Variants in SPANXN3 observed in about 807,000 individuals in gnomAD.
SPANXN3 encodes the protein SPANX family member N3.
Under a neutral mutation model 1.9 loss-of-function variants are expected in SPANXN3, and 1 was observed. That is an observed-to-expected ratio of 0.54 (90% CI 0.19 to 2.54). The LOEUF (loss-of-function observed/expected upper bound fraction) is 2.54. SPANXN3 is among the 30% of genes most tolerant of loss of function. The probability of loss-of-function intolerance (pLI) is 0.24; values close to 1 mark genes in which losing one functional copy is unlikely to be tolerated. For synonymous variants in SPANXN3, 47 were observed against 40.0 expected (o/e 1.17, Z -0.66); for missense variants, 113 against 96.2 (o/e 1.17, Z -0.73).
At chrX:143,516,689 T>G (rs1929223926) in intron 1 of SPANXN3, 1 of 112,844 alleles carries the variant, frequency 8.9e-6, no homozygotes, top group Admixed American at 9.4e-5. Context: ...ATTGATACCA[T>G]CCTTCTCCTC....
chrX:143,514,247 C>T (rs1341228296), intron 1 of SPANXN3, among the ~76,000 whole-genome samples: 3 of 111,791 alleles, frequency 2.7e-5, no homozygotes, highest in Non-Finnish European at 5.6e-5. Context: ...AGGAATGAAC[C>T]CCACTTGCCC....
chrX:143,509,915 G>A (rs1929053328), intron 1 of SPANXN3, among the ~76,000 whole-genome samples: 1 of 111,065 alleles, frequency 9.0e-6, no homozygotes. Flanking sequence ...CCAGGACGGT[G>A]ATTGGGTTCT....
rs782127240 is a variant in SPANXN3 at position 143,511,286 on chromosome X, G to A, written c.79-2124C>T. ...CAATCGGAATTATCAGGCAACTTCT[G>A]TAGACAGGCAGAAACCAGGCCATAT... On this transcript the variant is annotated intron_variant, in intron 1 of 1. Transcript: ENST00000370503. Among the ~76,000 whole-genome samples the A allele has an allele frequency of 1.4e-3, 157 of 111,587 alleles. 1 individual carries two copies. Among genetic ancestry groups the A allele is most frequent in the Non-Finnish European group, 2.7e-3 (143 of 53,118 alleles).
At position 143,508,807 on chromosome X, in the gene SPANXN3, A is replaced by G. The variant is rs369244171; in HGVS notation, c.*8T>C. On this transcript the variant is annotated 3_prime_UTR_variant, in exon 2 of 2. Transcript: ENST00000370503. ...ATGATTTGTCCAATTTGGTTTCTCCATGTGTGACTAATCCTCCCCACTGTC... is the reference window on the plus strand; with the variant it reads ...ATGATTTGTCCAATTTGGTTTCTCCGTGTGTGACTAATCCTCCCCACTGTC... 203 of 1,193,629 alleles carry G rather than the reference A, an allele frequency of 1.7e-4. No homozygotes were observed. The highest frequency in any genetic ancestry group is 2.2e-4 in the Non-Finnish European group (191 of 883,343).
At chrX:143,512,399 A>G (rs782428219) in intron 1 of SPANXN3, among the ~76,000 whole-genome samples, 8 of 111,557 alleles carry the variant, frequency 7.2e-5, no homozygotes, top group Non-Finnish European at 1.3e-4. Flanking sequence ...AGCCGTGCTT[A>G]GGGGCCTCAA....
chrX:143,511,790 G>T (rs1929098075), intron 1 of SPANXN3, among the ~76,000 whole-genome samples: 1 of 111,006 alleles, frequency 9.0e-6, no homozygotes, highest in East Asian at 2.8e-4. Flanking sequence ...AACACTGGAA[G>T]TCAGACTGTG....
intron 1 of SPANXN3, among the ~76,000 whole-genome samples, chrX:143,515,723 G>T (rs1929200503): frequency 9.1e-6 from 1 of 110,436 alleles, no homozygotes; most frequent in African/African-American, 3.3e-5. Context: ...CACAAATCCA[G>T]CAATTCACAG....
intron 1 of SPANXN3, among the ~76,000 whole-genome samples, chrX:143,516,080 T>C (rs1329755803): frequency 2.7e-5 from 3 of 112,014 alleles, no homozygotes; most frequent in Non-Finnish European, 5.6e-5. Context: ...CTGTCAGGGC[T>C]ACAATGGCTA....
intron 1 of SPANXN3, among the ~76,000 whole-genome samples, chrX:143,514,808 C>T (rs1296301343): frequency 1.8e-5 from 2 of 111,426 alleles, no homozygotes; most frequent in African/African-American, 6.5e-5. Flanking sequence ...TCCTTACCAC[C>T]CCGAATCTTC....
chrX:143,517,221 G>A, intron 1 of SPANXN3, 93 bp downstream of exon 1: 2 of 1,010,407 alleles, frequency 2.0e-6, no homozygotes, highest in Non-Finnish European at 2.8e-6. Context: ...TTCCACAGGT[G>A]TCTGCAGTAT....
chrX:143,513,393 A>G (rs782087735), intron 1 of SPANXN3, among the ~76,000 whole-genome samples: 1 of 111,876 alleles, frequency 8.9e-6, no homozygotes, highest in Non-Finnish European at 1.9e-5. Flanking sequence ...CTCTCAAAAC[A>G]ACTGGACTCT....
Position 143,508,893 on chromosome X carries a change from G to A in SPANXN3, c.348C>T (p.Asp116=), listed in dbSNP as rs782433180. The A allele has an allele frequency of 1.7e-6, 2 of 1,211,723 alleles. No homozygotes were observed. Among genetic ancestry groups the A allele is most frequent in the East Asian group, 3.0e-5 (1 of 33,817 alleles). ...EGPSKEDKDL[D]SSEGSSQEDE... ...CCTCCTGTGAGGATCCTTCAGATGA[G>A]TCTAGATCTTTGTCCTCCTTTGAAG... The change falls in exon 2 of 2, where the codon GAC becomes GAT. Residue 116 remains aspartate, a synonymous_variant. Transcript: ENST00000370503.
Position 143,510,735 on chromosome X carries a change from G to C in SPANXN3, c.79-1573C>G, listed in dbSNP as rs781940389. ...AACCCCCCAAAATGCCTCCTCCTCG[G>C]GACAAGCCTTCCTCCTCTGAATTTC... On this transcript the variant is annotated intron_variant, in intron 1 of 1. Coordinates refer to ENST00000370503, the MANE Select transcript of SPANXN3 (RefSeq NM_001009609.4). Among the ~76,000 whole-genome samples the C allele has an allele frequency of 2.8e-5, 3 of 109,076 alleles. No individual in the cohort carries two copies. In the Admixed American group the frequency reaches 2.9e-4, roughly 11 times the overall value. The allele number at this position is 109,076 out of a possible 115,157, so 94.7% of individuals were successfully genotyped here.
At chrX:143,513,043 C>T (rs1282525170) in intron 1 of SPANXN3, among the ~76,000 whole-genome samples, 2 of 111,392 alleles carry the variant, frequency 1.8e-5, no homozygotes, top group African/African-American at 6.6e-5. Flanking sequence ...CATCCCAACC[C>T]AATGAAAGGA....
In SPANXN3 at chrX:143,517,466, C is replaced by T; in HGVS notation, c.-75G>A. On this transcript the variant is annotated 5_prime_UTR_variant, in exon 1 of 2. Coordinates refer to ENST00000370503, the MANE Select transcript of SPANXN3 (RefSeq NM_001009609.4). Reference sequence around the variant, plus strand: ...ACTTCCACAGCTATGTTGAAGCTTCCCAGTGGGATGTCCCAGAGCTCTTGC... The same window carrying T: ...ACTTCCACAGCTATGTTGAAGCTTCTCAGTGGGATGTCCCAGAGCTCTTGC... 9.2e-7 allele frequency: 1 copy of T among 1,089,600 alleles called. No homozygotes were observed. The highest frequency in any genetic ancestry group is 1.3e-6 in the Non-Finnish European group (1 of 788,785). 89.8% of individuals were successfully genotyped at this position (1,089,600 alleles called of 1,213,427 possible).
intron 1 of SPANXN3, among the ~76,000 whole-genome samples, chrX:143,513,848 CT>C (rs1393484269): frequency 3.6e-5 from 4 of 112,015 alleles, no homozygotes; most frequent in African/African-American, 9.8e-5. Flanking sequence ...AAATAAACTC[CT>C]AGAATCCAAT....
chrX:143,513,225 C>T (rs1929136274), intron 1 of SPANXN3, among the ~76,000 whole-genome samples: 1 of 111,949 alleles, frequency 8.9e-6, no homozygotes, highest in Admixed American at 9.4e-5. Flanking sequence ...GCCCCATCAA[C>T]TCCCACTTAA....
At chrX:143,515,201 G>A (rs1472017989) in intron 1 of SPANXN3, among the ~76,000 whole-genome samples, 2 of 110,651 alleles carry the variant, frequency 1.8e-5, no homozygotes, top group African/African-American at 3.3e-5. Context: ...TTCCCACCAG[G>A]TTATCCTAAC....
chrX:143,514,863 A>C (rs144925264), intron 1 of SPANXN3, among the ~76,000 whole-genome samples: 10,904 of 111,071 alleles, frequency 0.098, 464 homozygotes, highest in African/African-American at 0.16. Flanking sequence ...TCTTCCCTAA[A>C]GGTTAAAATG....
Sources: gnomAD v4.1 joint callset for allele counts (sites outside exome capture counted in the v4.1 genomes callset) on GRCh38, gnomAD v4.1.1 for gene constraint, MANE v1.5 for transcripts, NCBI Gene and HGNC (gene_info 2026-07-23, HGNC 2026-07-21) for gene names.